PTPRT: variants seen among roughly 807,000 people sequenced by gnomAD.
PTPRT encodes receptor-type tyrosine-protein phosphatase T.
PTPRT carries 56 observed loss-of-function variants against 176.8 expected under a neutral mutation model. The ratio of observed to expected loss-of-function variants is 0.32; its 90% CI spans 0.26 to 0.40. The LOEUF is 0.40. Among genes scored for constraint, PTPRT ranks in the 10% least tolerant of loss-of-function variants. The probability of loss-of-function intolerance (pLI) is 1.00; values close to 1 mark genes in which losing one functional copy is unlikely to be tolerated. For synonymous variants in PTPRT, 783 were observed against 739.0 expected (o/e 1.06, Z -0.96); for missense variants, 1,540 against 1,908.2 (o/e 0.81, Z 3.60).
intron 2 of PTPRT, among the ~76,000 whole-genome samples, chr20:42,819,411 T>C (rs1383139799): frequency 6.6e-6 from 1 of 152,106 alleles, no homozygotes; most frequent in Non-Finnish European, 1.5e-5. Flanking sequence ...GCACTGAATG[T>C]GGAATGGAAA....
At chr20:42,439,431 G>A (rs1304142139) in intron 9 of PTPRT, among the ~76,000 whole-genome samples, 1 of 152,140 alleles carries the variant, frequency 6.6e-6, no homozygotes, top group Admixed American at 6.5e-5. Flanking sequence ...ACCTCCCTAT[G>A]TTTCTTCAAT....
Position 42,245,102 on chromosome 20 carries a change from G to A in PTPRT, c.2312+3585C>T, listed in dbSNP as rs191240327. 4.3e-4 allele frequency among the ~76,000 whole-genome samples: 65 copies of A among 152,180 alleles called. 2 individuals carry two copies. The highest frequency in any genetic ancestry group is 3.4e-4 in the Non-Finnish European group (23 of 68,008). On this transcript the variant is annotated intron_variant, in intron 14 of 30. Coordinates refer to ENST00000373187, the MANE Select transcript of PTPRT (RefSeq NM_007050.6). ...TACATTTTACTACATAATGACATGG[G>A]GTACCCATTACAGAACATTCAGAAC...
intron 9 of PTPRT, among the ~76,000 whole-genome samples, chr20:42,392,772 G>T (rs1008312074): frequency 6.6e-6 from 1 of 152,200 alleles, no homozygotes; most frequent in Non-Finnish European, 1.5e-5. Context: ...GAAAAGGACA[G>T]AAAAGGGCAT....
intron 1 of PTPRT, among the ~76,000 whole-genome samples, chr20:43,007,750 C>A (rs1335398507): frequency 6.6e-6 from 1 of 152,196 alleles, no homozygotes; most frequent in African/African-American, 2.4e-5. Context: ...CAGGCAGAAT[C>A]ATTCCCTGGC....
At chr20:42,382,595 G>C (rs978198885) in intron 9 of PTPRT, among the ~76,000 whole-genome samples, 1 of 152,146 alleles carries the variant, frequency 6.6e-6, no homozygotes, top group Non-Finnish European at 1.5e-5. Context: ...TGCTAGGTCC[G>C]TGCAGGAAAA....
At chr20:42,377,961 C>T (rs1489674625) in intron 9 of PTPRT, among the ~76,000 whole-genome samples, 1 of 152,192 alleles carries the variant, frequency 6.6e-6, no homozygotes, top group Non-Finnish European at 1.5e-5. Context: ...ATCATTATAA[C>T]TAATAGTGCA....
chr20:43,035,599 C>G (rs1986344478), intron 1 of PTPRT, among the ~76,000 whole-genome samples: 1 of 152,188 alleles, frequency 6.6e-6, no homozygotes, highest in Non-Finnish European at 1.5e-5. Context: ...GTGGGTATTT[C>G]ATAATCCTTT....
At chr20:42,515,742 TC>T (rs1232568381) in intron 7 of PTPRT, among the ~76,000 whole-genome samples, 1 of 152,080 alleles carries the variant, frequency 6.6e-6, no homozygotes, top group Admixed American at 6.6e-5. Flanking sequence ...ATCTTTGCCA[TC>T]CCATTACTGG....
chr20:43,169,152 C>T (rs2146456586), intron 1 of PTPRT, among the ~76,000 whole-genome samples: 1 of 152,274 alleles, frequency 6.6e-6, no homozygotes, highest in Middle Eastern at 3.4e-3. Flanking sequence ...TTCCTATCTG[C>T]AAAAGCATCA....
intron 17 of PTPRT, among the ~76,000 whole-genome samples, chr20:42,151,669 G>C (rs1246668894): frequency 2.0e-5 from 3 of 152,174 alleles, no homozygotes; most frequent in Non-Finnish European, 2.9e-5. Flanking sequence ...ACCCAGTAAT[G>C]GGATTGCTGG....
chr20:42,905,765 T>C (rs2079468030), intron 1 of PTPRT, among the ~76,000 whole-genome samples: 1 of 152,112 alleles, frequency 6.6e-6, no homozygotes, highest in Admixed American at 6.5e-5. Flanking sequence ...ATGTCCTTTG[T>C]AGGGTCATGG....
intron 15 of PTPRT, among the ~76,000 whole-genome samples, chr20:42,205,917 G>C (rs2055447463): frequency 6.6e-6 from 1 of 152,146 alleles, no homozygotes. Flanking sequence ...CTAGATCTCA[G>C]CTTAAAGTTA....
intron 7 of PTPRT, among the ~76,000 whole-genome samples, chr20:42,473,633 G>A (rs528646996): frequency 6.6e-6 from 1 of 152,144 alleles, no homozygotes; most frequent in South Asian, 2.1e-4. Flanking sequence ...ACCATGCTTG[G>A]CTAATTTTTT....
intron 1 of PTPRT, among the ~76,000 whole-genome samples, chr20:42,962,554 T>A (rs1023026802): frequency 6.6e-6 from 1 of 152,142 alleles, no homozygotes; most frequent in Non-Finnish European, 1.5e-5. Flanking sequence ...AAACAAGACA[T>A]TTACATGGAT....
intron 1 of PTPRT, among the ~76,000 whole-genome samples, chr20:43,068,754 G>A (rs539713847): frequency 6.6e-5 from 10 of 152,192 alleles, no homozygotes; most frequent in South Asian, 2.1e-4. Flanking sequence ...CAGGGCAGTC[G>A]GATAAAGCAC....
At chr20:42,772,966 A>G (rs2077084555) in intron 4 of PTPRT, among the ~76,000 whole-genome samples, 1 of 152,220 alleles carries the variant, frequency 6.6e-6, no homozygotes, top group Non-Finnish European at 1.5e-5. Flanking sequence ...AAAGCTACAC[A>G]GCGCTAGTGA....
At chr20:43,159,833 T>G (rs1471969985) in intron 1 of PTPRT, among the ~76,000 whole-genome samples, 1 of 151,988 alleles carries the variant, frequency 6.6e-6, no homozygotes, top group Non-Finnish European at 1.5e-5. Context: ...TCGCTGTTTT[T>G]CGCCCCGACC....
chr20:42,157,637 T>C (rs143347313), intron 17 of PTPRT, among the ~76,000 whole-genome samples: 1 of 152,134 alleles, frequency 6.6e-6, no homozygotes, highest in Non-Finnish European at 1.5e-5. Flanking sequence ...CCCCCCAATA[T>C]TTCTTGCTCT....
At chr20:42,105,330 C>T (rs1413651768) in intron 24 of PTPRT, among the ~76,000 whole-genome samples, 1 of 152,162 alleles carries the variant, frequency 6.6e-6, no homozygotes, top group Non-Finnish European at 1.5e-5. Context: ...GATTACCTTC[C>T]AAGCAAATTA....
Sources: allele counts gnomAD v4.1 joint callset (sites outside exome capture counted in the v4.1 genomes callset), GRCh38; gene constraint gnomAD v4.1.1; transcripts MANE v1.5; gene names NCBI Gene and HGNC (gene_info 2026-07-23, HGNC 2026-07-21).